The following PLCB4 variants were observed in gnomAD, a reference collection of about 807,000 sequenced individuals.
The protein encoded by PLCB4 is 1-phosphatidylinositol 4,5-bisphosphate phosphodiesterase beta-4.
A neutral mutation model predicts 178.8 loss-of-function variants in PLCB4; 77 were observed. The observed-to-expected ratio is 0.43, with a 90% CI of 0.36 to 0.52. The LOEUF is 0.52. Among genes scored for constraint, PLCB4 ranks in the 20% least tolerant of loss-of-function variants. The pLI, the probability that PLCB4 is intolerant of heterozygous loss-of-function variation, is 0.00. For synonymous variants in PLCB4, 496 were observed against 490.8 expected, an observed-to-expected ratio of 1.01 and a Z score of -0.14; for missense variants, 1,024 against 1,453.4, an observed-to-expected ratio of 0.70 and a Z score of 4.80.
intron 7 of PLCB4, among the ~76,000 whole-genome samples, chr20:9,344,734 A>C (rs1040777286): frequency 6.6e-6 from 1 of 152,182 alleles, no homozygotes; most frequent in African/African-American, 2.4e-5. Context: ...ACATTTCAGG[A>C]TGTAATAGCG....
chr20:9,289,493 G>C (rs1409383709), intron 3 of PLCB4, among the ~76,000 whole-genome samples: 1 of 152,018 alleles, frequency 6.6e-6, no homozygotes, highest in Admixed American at 6.6e-5. Flanking sequence ...TGATGCTGAG[G>C]TTACCAGGAT....
At chr20:9,372,626 A>C (rs766513728) in intron 11 of PLCB4, among the ~76,000 whole-genome samples, 1 of 151,512 alleles carries the variant, frequency 6.6e-6, no homozygotes. Flanking sequence ...TTTTTTTTGC[A>C]TTGGCTTTAC....
chr20:9,305,154 G>A (rs1376920660), intron 3 of PLCB4, among the ~76,000 whole-genome samples: 1 of 150,968 alleles, frequency 6.6e-6, no homozygotes, highest in African/African-American at 2.4e-5. Flanking sequence ...TAACCAATTC[G>A]TATTTACTAT....
chr20:9,283,482 A>G lies in PLCB4; in HGVS notation c.-15-24318A>G, dbSNP rs73609447. Among the ~76,000 whole-genome samples, 488 of 152,038 alleles carry G rather than the reference A, an allele frequency of 3.2e-3. 4 individuals carry two copies. Among genetic ancestry groups the G allele is most frequent in the African/African-American group, 9.4e-3 (391 of 41,520 alleles). On this transcript the variant is annotated intron_variant, in intron 3 of 39. Coordinates refer to ENST00000378473, the MANE Select transcript of PLCB4 (RefSeq NM_001377142.1). ...TGAAGTACTTTAAAGTTTCAGAAGC[A>G]AGATGCTGTCTTGCTGCTGATCATT...
At position 9,408,720 on chromosome 20, in the gene PLCB4, A is replaced by T. The variant is rs771057945; in HGVS notation, c.1874+3A>T. 1.4e-6 allele frequency: 2 copies of T among 1,476,974 alleles called. No homozygotes were observed. Among genetic ancestry groups the T allele is most frequent in the Non-Finnish European group, 9.5e-7 (1 of 1,055,666 alleles). The allele number at this position is 1,476,974 out of a possible 1,614,324, so 91.5% of individuals were successfully genotyped here. On this transcript the variant is annotated splice_donor_region_variant and intron_variant, in intron 23 of 39. Coordinates refer to ENST00000378473, the MANE Select transcript of PLCB4 (RefSeq NM_001377142.1). ...ACACATGCAATTGAATTTGTCAAGTATCCTTATGTATCAAGTGGAATGAGT... is the reference window on the plus strand; with the variant it reads ...ACACATGCAATTGAATTTGTCAAGTTTCCTTATGTATCAAGTGGAATGAGT...
chr20:9,364,079 T>A (rs2035574632), intron 8 of PLCB4, among the ~76,000 whole-genome samples: 1 of 152,248 alleles, frequency 6.6e-6, no homozygotes, highest in Non-Finnish European at 1.5e-5. Flanking sequence ...TGTTATGGTA[T>A]CCCTCCAATT....
chr20:9,423,627 G>A, intron 27 of PLCB4, 121 bp from the exon 28 acceptor site: 1 of 741,146 alleles, frequency 1.3e-6, no homozygotes, highest in South Asian at 1.7e-5. Context: ...GATGGATCAT[G>A]GACTTACTTT....
rs573939724 is a variant in PLCB4, at chr20:9,396,883, A to G, written c.1510+1265A>G. Among the ~76,000 whole-genome samples the G allele has an allele frequency of 5.9e-5, 9 of 152,380 alleles. No homozygotes were observed. In the South Asian group the frequency reaches 1.9e-3, roughly 32 times the overall value. On this transcript the variant is annotated intron_variant, in intron 19 of 39. Coordinates refer to ENST00000378473, the MANE Select transcript of PLCB4 (RefSeq NM_001377142.1). ...GCTGACAATTATCTAAACCTGCATCATATTGAAATCTTTTTGTGGAGGGTC... is the reference window on the plus strand; with the variant it reads ...GCTGACAATTATCTAAACCTGCATCGTATTGAAATCTTTTTGTGGAGGGTC...
At chr20:9,304,865 CT>C (rs201616200) in intron 3 of PLCB4, among the ~76,000 whole-genome samples, 31 of 144,892 alleles carry the variant, frequency 2.1e-4, no homozygotes, top group Admixed American at 1.0e-3. Flanking sequence ...TTTTTATTTT[CT>C]TTTTTTTTTA....
At chr20:9,142,995 T>A (rs1400455943) in intron 2 of PLCB4, among the ~76,000 whole-genome samples, 1 of 152,186 alleles carries the variant, frequency 6.6e-6, no homozygotes, top group Admixed American at 6.5e-5. Context: ...TTACACACAC[T>A]GGGCATGGCT....
chr20:9,458,252 T>C (rs1458716397), intron 34 of PLCB4, among the ~76,000 whole-genome samples: 1 of 152,200 alleles, frequency 6.6e-6, no homozygotes, highest in Non-Finnish European at 1.5e-5. Flanking sequence ...AAGATGTTCT[T>C]GGTAGCTGTA....
At chr20:9,453,960 T>A (rs1484617792) in intron 33 of PLCB4, among the ~76,000 whole-genome samples, 2 of 152,202 alleles carry the variant, frequency 1.3e-5, no homozygotes, top group Non-Finnish European at 2.9e-5. Context: ...CAAGCCACAG[T>A]GATTTTTCAC....
intron 2 of PLCB4, among the ~76,000 whole-genome samples, chr20:9,197,073 A>G (rs987879437): frequency 2.0e-5 from 3 of 152,220 alleles, no homozygotes; most frequent in African/African-American, 7.2e-5. Context: ...TGGCACATTA[A>G]TGGGTGAAAT....
chr20:9,113,958 A>G (rs1182038569), intron 2 of PLCB4, among the ~76,000 whole-genome samples: 1 of 152,176 alleles, frequency 6.6e-6, no homozygotes, highest in African/African-American at 2.4e-5. Context: ...TCACGCCTGT[A>G]ATCCCAGCAC....
Position 9,339,030 on chromosome 20 carries a change from T to C in PLCB4, c.362T>C (p.Val121Ala). 3 of 1,612,088 alleles carry C rather than the reference T, an allele frequency of 1.9e-6. No individual in the cohort carries two copies. In the South Asian group the frequency reaches 3.3e-5, roughly 18 times the overall value. The change falls in exon 7 of 40, where the codon GTA (valine) becomes GCA (alanine). Residue 121 changes from valine to alanine, a missense_variant. Physicochemically the swap from Val to Ala is moderately conservative, Grantham distance 64. Coordinates refer to ENST00000378473, the MANE Select transcript of PLCB4 (RefSeq NM_001377142.1). ...FTYMVAENPE[V>A]TKQWVEGLRS... ...TACATGGTGGCTGAAAATCCAGAAG[T>C]AACTAAGGTAGCTTCAGTTAAATGG...
chr20:9,286,300 C>T (rs2094536075), intron 3 of PLCB4, among the ~76,000 whole-genome samples: 1 of 151,980 alleles, frequency 6.6e-6, no homozygotes, highest in Non-Finnish European at 1.5e-5. Context: ...GATATATCTC[C>T]ACCCATAAAC....
intron 35 of PLCB4, among the ~76,000 whole-genome samples, chr20:9,461,022 G>C (rs2043354897): frequency 6.6e-6 from 1 of 152,152 alleles, no homozygotes; most frequent in Non-Finnish European, 1.5e-5. Context: ...AGAAAGTTGT[G>C]TTCATCATTC....
rs2094506897 is a variant in PLCB4 at position 9,282,943 on chromosome 20, A to G, written c.-15-24857A>G. 2.0e-5 allele frequency among the ~76,000 whole-genome samples: 3 copies of G among 152,158 alleles called. No homozygotes were observed. In the South Asian group the frequency reaches 6.2e-4, roughly 32 times the overall value. On this transcript the variant is annotated intron_variant, in intron 3 of 39. Coordinates refer to ENST00000378473, the MANE Select transcript of PLCB4 (RefSeq NM_001377142.1). ...GAGAACAAGAAGGAAACCCCAATGTACAAGTACTTTTCATGCCTCTGATTT... is the reference window on the plus strand; with the variant it reads ...GAGAACAAGAAGGAAACCCCAATGTGCAAGTACTTTTCATGCCTCTGATTT...
chr20:9,192,228 A>T (rs1225626859), intron 2 of PLCB4, among the ~76,000 whole-genome samples: 4 of 152,262 alleles, frequency 2.6e-5, no homozygotes, highest in African/African-American at 9.6e-5. Context: ...ATTTGAGGTG[A>T]TATGAGCCGA....
Sources: gnomAD v4.1 joint callset for allele counts (sites outside exome capture counted in the v4.1 genomes callset) on GRCh38, gnomAD v4.1.1 for gene constraint, MANE v1.5 for transcripts, NCBI Gene and HGNC (gene_info 2026-07-23, HGNC 2026-07-21) for gene names.